Variants in MRPS28 observed in about 807,000 individuals in gnomAD.
MRPS28 encodes mitochondrial ribosomal protein S28.
Under a neutral mutation model 10.8 loss-of-function variants are expected in MRPS28, and 7 were observed. The observed-to-expected ratio is 0.65, with a 90% CI of 0.37 to 1.22. MRPS28 has a LOEUF of 1.22. Among genes scored for constraint, MRPS28 ranks in the 50% most tolerant of loss-of-function variants. The pLI is 0.02. For missense variants in MRPS28, 265 were observed against 232.9 expected, an observed-to-expected ratio of 1.14 and a Z score of -0.90; for synonymous variants, 121 against 93.3, an observed-to-expected ratio of 1.30 and a Z score of -1.71.
chr8:79,950,464 G>A (rs1807052327), intron 2 of MRPS28, among the ~76,000 whole-genome samples: 1 of 152,092 alleles, frequency 6.6e-6, no homozygotes, highest in South Asian at 2.1e-4. Flanking sequence ...TAATTCTCTA[G>A]ATAAGCCTTT....
chr8:80,017,023 A>T (rs1368774108), intron 1 of MRPS28, among the ~76,000 whole-genome samples: 1 of 152,190 alleles, frequency 6.6e-6, no homozygotes, highest in African/African-American at 2.4e-5. Flanking sequence ...CACATGAAAC[A>T]GTCACCAAAA....
chr8:79,983,048 C>T (rs1808020142), intron 2 of MRPS28, among the ~76,000 whole-genome samples: 1 of 150,194 alleles, frequency 6.7e-6, no homozygotes, highest in African/African-American at 2.5e-5. Context: ...TGACACCTCA[C>T]ACGGCCAGGT....
intron 2 of MRPS28, among the ~76,000 whole-genome samples, chr8:79,924,263 CTTAA>C (rs1261736359): frequency 3.3e-5 from 5 of 152,226 alleles, no homozygotes; most frequent in South Asian, 4.1e-4. Context: ...CTCACAATTC[CTTAA>C]TTAGAGTTTT....
intron 2 of MRPS28, among the ~76,000 whole-genome samples, chr8:79,934,703 CA>C (rs1006794961): frequency 6.6e-6 from 1 of 152,042 alleles, no homozygotes; most frequent in Non-Finnish European, 1.5e-5. Flanking sequence ...TATATTTAAA[CA>C]AAAAAGCACT....
At chr8:79,949,156 C>G (rs1017264987) in intron 2 of MRPS28, among the ~76,000 whole-genome samples, 13 of 152,110 alleles carry the variant, frequency 8.5e-5, no homozygotes, top group African/African-American at 2.7e-4. Context: ...TGGCTCACAC[C>G]TGTAATCCCA....
At chr8:79,919,440 A>G (rs1256699370) in intron 2 of MRPS28, among the ~76,000 whole-genome samples, 1 of 152,072 alleles carries the variant, frequency 6.6e-6, no homozygotes, top group African/African-American at 2.4e-5. Context: ...TTCTGGGCTC[A>G]AGCGACTCTC....
chr8:79,981,274 G>C (rs558051242), intron 2 of MRPS28, among the ~76,000 whole-genome samples: 1 of 152,278 alleles, frequency 6.6e-6, no homozygotes, highest in African/African-American at 2.4e-5. Flanking sequence ...AGGTTGTGGT[G>C]AGCTGTGATC....
At chr8:80,004,530 T>A (rs1241065687) in intron 1 of MRPS28, among the ~76,000 whole-genome samples, 1 of 151,940 alleles carries the variant, frequency 6.6e-6, no homozygotes, top group Non-Finnish European at 1.5e-5. Context: ...ACAACAAAGA[T>A]GGGGAAAAAA....
At chr8:79,930,683 C>G (rs1403058447) in intron 2 of MRPS28, among the ~76,000 whole-genome samples, 2 of 152,138 alleles carry the variant, frequency 1.3e-5, no homozygotes, top group Non-Finnish European at 2.9e-5. Context: ...TCATTCCTGT[C>G]AAAACAGGAG....
intron 1 of MRPS28, among the ~76,000 whole-genome samples, chr8:80,020,930 T>C (rs967912827): frequency 7.2e-5 from 11 of 152,072 alleles, no homozygotes; most frequent in African/African-American, 2.4e-4. Context: ...CTTCAAAATG[T>C]TTTTATGTGT....
chr8:80,005,654 T>C (rs1808818278), intron 1 of MRPS28, among the ~76,000 whole-genome samples: 1 of 152,160 alleles, frequency 6.6e-6, no homozygotes. Context: ...TAAATGTAAA[T>C]GGGCTACATG....
chr8:80,009,296 G>C (rs1184316800), intron 1 of MRPS28, among the ~76,000 whole-genome samples: 1 of 152,148 alleles, frequency 6.6e-6, no homozygotes, highest in African/African-American at 2.4e-5. Context: ...GCAGAGGGGA[G>C]GGATAGCATT....
At chr8:79,919,878 A>T (rs981063901) in intron 2 of MRPS28, among the ~76,000 whole-genome samples, 1 of 151,972 alleles carries the variant, frequency 6.6e-6, no homozygotes, top group African/African-American at 2.4e-5. Context: ...TACATGTGCC[A>T]TGTTGGTGTG....
chr8:79,996,455 T>A (rs1466262948), intron 2 of MRPS28, among the ~76,000 whole-genome samples: 2 of 152,208 alleles, frequency 1.3e-5, no homozygotes, highest in East Asian at 3.8e-4. Flanking sequence ...TTTCTCATAG[T>A]TCTAGAGGCT....
At chr8:79,950,210 C>T (rs1038541519) in intron 2 of MRPS28, among the ~76,000 whole-genome samples, 16 of 152,110 alleles carry the variant, frequency 1.1e-4, no homozygotes, top group Non-Finnish European at 2.9e-5. Context: ...AAATGCTTAA[C>T]TAATTTTTTC....
At chr8:79,953,687 A>T (rs939017186) in intron 2 of MRPS28, among the ~76,000 whole-genome samples, 1 of 152,224 alleles carries the variant, frequency 6.6e-6, no homozygotes, top group Non-Finnish European at 1.5e-5. Context: ...AAAAAGTATT[A>T]TATAAAGGAA....
intron 2 of MRPS28, among the ~76,000 whole-genome samples, chr8:79,919,872 T>A (rs1012252676): frequency 1.3e-5 from 2 of 152,122 alleles, no homozygotes; most frequent in Non-Finnish European, 2.9e-5. Flanking sequence ...TATGTATACA[T>A]GTGCCATGTT....
intron 1 of MRPS28, among the ~76,000 whole-genome samples, chr8:80,003,865 A>G (rs898415885): frequency 6.6e-6 from 1 of 152,212 alleles, no homozygotes; most frequent in Non-Finnish European, 1.5e-5. Context: ...GGAGGGTCCC[A>G]TGCCCACGGA....
chr8:79,926,518 C>T (rs985386406), intron 2 of MRPS28, among the ~76,000 whole-genome samples: 2 of 152,168 alleles, frequency 1.3e-5, no homozygotes, highest in African/African-American at 4.8e-5. Context: ...CACATCAATA[C>T]TTATTTATAA....
Sources: allele counts gnomAD v4.1 joint callset (sites outside exome capture counted in the v4.1 genomes callset), GRCh38; gene constraint gnomAD v4.1.1; transcripts MANE v1.5; gene names NCBI Gene and HGNC (gene_info 2026-07-23, HGNC 2026-07-21).